Variants in SNAP91 observed in about 807,000 individuals in gnomAD.
SNAP91 encodes the protein clathrin coat assembly protein AP180.
In SNAP91, 27 loss-of-function variants were observed where a neutral mutation model predicts 100.3. The observed-to-expected ratio is 0.27, with a 90% CI of 0.20 to 0.37. The LOEUF (loss-of-function observed/expected upper bound fraction) is 0.37. SNAP91 is among the 10% of genes least tolerant of loss of function. The pLI is 1.00. For synonymous variants in SNAP91, 404 were observed against 398.6 expected (o/e 1.01, Z -0.16); for missense variants, 986 against 1,123.7 (o/e 0.88, Z 1.75).
rs375191662 is a variant in SNAP91, at chr6:83,698,535, G to GGT, written c.130+9261_130+9262dup. 1.4e-3 allele frequency among the ~76,000 whole-genome samples: 213 copies of GGT among 151,946 alleles called. 1 individual carries two copies. The highest frequency in any genetic ancestry group is 4.9e-3 in the African/African-American group (201 of 41,432). ...CCATATAAAGCTAGGATCCTCAAAG[G>GGT]GTTACTCCCTTAGTAAAATTAAGAG... On this transcript the variant is annotated intron_variant, in intron 2 of 29. Transcript: ENST00000369694.
chr6:83,667,497 ACTG>A (rs369133732), intron 2 of SNAP91, among the ~76,000 whole-genome samples: 63 of 152,132 alleles, frequency 4.1e-4, no homozygotes, highest in African/African-American at 1.5e-3. Flanking sequence ...TATTCTTTTC[ACTG>A]CTTTTTTTTG....
At chr6:83,561,566 C>T (rs971725002) in intron 26 of SNAP91, among the ~76,000 whole-genome samples, 15 of 152,134 alleles carry the variant, frequency 9.9e-5, no homozygotes, top group African/African-American at 3.4e-4. Context: ...CATTGGGCTT[C>T]CTCTGTATCT....
intron 26 of SNAP91, among the ~76,000 whole-genome samples, chr6:83,570,949 T>G (rs1806354070): frequency 6.6e-6 from 1 of 152,094 alleles, no homozygotes; most frequent in African/African-American, 2.4e-5. Flanking sequence ...AGAAGGCCAC[T>G]GTCCTCCAGA....
intron 16 of SNAP91, among the ~76,000 whole-genome samples, chr6:83,596,236 A>G (rs746085032): frequency 2.0e-5 from 3 of 152,168 alleles, no homozygotes; most frequent in Admixed American, 1.3e-4. Context: ...ATAGGTTTTG[A>G]GTGTCAGGTC....
At chr6:83,563,099 T>C (rs781635485) in intron 26 of SNAP91, among the ~76,000 whole-genome samples, 42 of 152,188 alleles carry the variant, frequency 2.8e-4, no homozygotes, top group Non-Finnish European at 5.6e-4. Flanking sequence ...CATTTGCCAG[T>C]ATAAACAAGC....
intron 12 of SNAP91, among the ~76,000 whole-genome samples, chr6:83,609,114 C>CA (rs1414888665): frequency 6.6e-6 from 1 of 151,782 alleles, no homozygotes; most frequent in African/African-American, 2.4e-5. Context: ...AACATAAATG[C>CA]AAAAAATGAA....
intron 8 of SNAP91, among the ~76,000 whole-genome samples, chr6:83,630,775 TAAAA>T (rs36034560): frequency 2.0e-5 from 3 of 148,356 alleles, no homozygotes; most frequent in South Asian, 2.1e-4. Context: ...AATTTTATCT[TAAAA>T]AAAAAAAACA....
chr6:83,588,779 T>C (rs919339669), intron 22 of SNAP91, among the ~76,000 whole-genome samples: 1 of 152,122 alleles, frequency 6.6e-6, no homozygotes, highest in Non-Finnish European at 1.5e-5. Flanking sequence ...TCTGGGCTCT[T>C]TGAGAAACAC....
At chr6:83,695,743 C>T (rs2099198946) in intron 2 of SNAP91, among the ~76,000 whole-genome samples, 1 of 152,040 alleles carries the variant, frequency 6.6e-6, no homozygotes, top group Non-Finnish European at 1.5e-5. Context: ...TTTCTTAATT[C>T]ACAGCACTAT....
At chr6:83,629,733 A>G (rs1394569133) in intron 8 of SNAP91, among the ~76,000 whole-genome samples, 5 of 152,050 alleles carry the variant, frequency 3.3e-5, no homozygotes, top group African/African-American at 1.2e-4. Flanking sequence ...GCACTCTTTT[A>G]TCAGGTCTAA....
chr6:83,682,446 A>G (rs1295424557), intron 2 of SNAP91, among the ~76,000 whole-genome samples: 2 of 151,992 alleles, frequency 1.3e-5, no homozygotes, highest in South Asian at 2.1e-4. Context: ...GGCTCAAGCA[A>G]TCTGCCTACC....
intron 8 of SNAP91, among the ~76,000 whole-genome samples, chr6:83,635,258 T>G (rs1283707304): frequency 6.6e-6 from 1 of 152,200 alleles, no homozygotes; most frequent in Non-Finnish European, 1.5e-5. Context: ...CTCATTATTG[T>G]TGTGTGGCTG....
chr6:83,703,213 T>G (rs2099340528), intron 2 of SNAP91, among the ~76,000 whole-genome samples: 1 of 151,372 alleles, frequency 6.6e-6, no homozygotes, highest in Non-Finnish European at 1.5e-5. Flanking sequence ...CAGATTAAAA[T>G]ATATTTACAG....
intron 16 of SNAP91, among the ~76,000 whole-genome samples, chr6:83,595,338 G>A (rs2094335604): frequency 6.6e-6 from 1 of 151,980 alleles, no homozygotes; most frequent in Admixed American, 6.6e-5. Context: ...TTTTCAACAG[G>A]TTAAAACAAT....
chr6:83,611,893 TTGG>T (rs2096126293), intron 11 of SNAP91, among the ~76,000 whole-genome samples: 1 of 91,778 alleles, frequency 1.1e-5, no homozygotes, highest in African/African-American at 4.1e-5. Flanking sequence ...TTTTTTTTTT[TTGG>T]ATTTTTAGTA....
intron 8 of SNAP91, among the ~76,000 whole-genome samples, chr6:83,636,798 TTTTC>T (rs565729543): frequency 5.3e-5 from 8 of 152,218 alleles, no homozygotes; most frequent in Admixed American, 2.6e-4. Context: ...TGGCTTTTCT[TTTTC>T]TTTGTCAATT....
intron 28 of SNAP91, among the ~76,000 whole-genome samples, chr6:83,557,721 T>A (rs965344805): frequency 6.6e-6 from 1 of 151,828 alleles, no homozygotes; most frequent in African/African-American, 2.4e-5. Flanking sequence ...AAACCTGGGA[T>A]CTGTTTCATA....
intron 7 of SNAP91, among the ~76,000 whole-genome samples, chr6:83,641,981 C>T (rs138677077): frequency 0.014 from 2,119 of 152,226 alleles, 39 homozygotes; most frequent in African/African-American, 0.048. Context: ...ACCAGTACTT[C>T]ATCAGTGTTT....
chr6:83,567,514 C>T (rs1357936230), intron 26 of SNAP91, among the ~76,000 whole-genome samples: 10 of 152,170 alleles, frequency 6.6e-5, no homozygotes, highest in South Asian at 6.2e-4. Flanking sequence ...ATCAATGAAA[C>T]GAAAGAGCTT....
Sources: gnomAD v4.1 joint callset for allele counts (sites outside exome capture counted in the v4.1 genomes callset) on GRCh38, gnomAD v4.1.1 for gene constraint, MANE v1.5 for transcripts, NCBI Gene and HGNC (gene_info 2026-07-23, HGNC 2026-07-21) for gene names.